The following CUX1 variants were observed in gnomAD, a reference collection of about 807,000 sequenced individuals.
CUX1 encodes the protein cut like homeobox 1.
A neutral mutation model predicts 158.8 loss-of-function variants in CUX1; 31 were observed. That is an observed-to-expected ratio of 0.20 (90% CI 0.15 to 0.26). The LOEUF is 0.26. Ranked by LOEUF, CUX1 falls within the 10% of genes least tolerant of loss-of-function variation. CUX1 has a pLI of 1.00. For synonymous variants in CUX1, 879 were observed against 862.1 expected, an observed-to-expected ratio of 1.02 and a Z score of -0.34; for missense variants, 1,589 against 2,014.6, an observed-to-expected ratio of 0.79 and a Z score of 4.04.
intron 3 of CUX1, among the ~76,000 whole-genome samples, chr7:102,034,325 A>C (rs1021453837): frequency 1.4e-4 from 21 of 152,138 alleles, no homozygotes; most frequent in Admixed American, 1.0e-3. Context: ...AGGAGGAAAC[A>C]ATTTCAGTAG....
chr7:101,898,283 A>G (rs1489348405), intron 1 of CUX1, among the ~76,000 whole-genome samples: 1 of 152,198 alleles, frequency 6.6e-6, no homozygotes. Flanking sequence ...ACTAATAAAA[A>G]CAAGGAAATT....
chr7:101,928,149 C>A (rs948384983), intron 2 of CUX1, among the ~76,000 whole-genome samples: 4 of 152,110 alleles, frequency 2.6e-5, no homozygotes, highest in Admixed American at 2.6e-4. Flanking sequence ...GAATTTTAGT[C>A]AAAAACATGC....
chr7:101,821,671 CTTTTTTTTTTT>C (rs58793343), intron 1 of CUX1, among the ~76,000 whole-genome samples: 19 of 51,316 alleles, frequency 3.7e-4, no homozygotes, highest in South Asian at 1.1e-3. Context: ...TTTCTTTTTT[CTTTTTTTTTTT>C]TTTTTTTTTT....
At chr7:102,208,437 C>T (rs1291585774) in intron 20 of CUX1, among the ~76,000 whole-genome samples, 3 of 152,212 alleles carry the variant, frequency 2.0e-5, no homozygotes, top group South Asian at 4.1e-4. Flanking sequence ...GACGGGGTTT[C>T]GCCCTGTTGG....
intron 8 of CUX1, among the ~76,000 whole-genome samples, chr7:102,117,397 CAAAAAAAAAAAAA>C (rs10633602): frequency 2.1e-5 from 1 of 46,670 alleles, no homozygotes; most frequent in Non-Finnish European, 3.6e-5. Context: ...GACTCCATCG[CAAAAAAAAAAAAA>C]AAAAAAAAAG....
At chr7:102,140,860 G>A (rs1285135896) in intron 8 of CUX1, among the ~76,000 whole-genome samples, 6 of 144,770 alleles carry the variant, frequency 4.1e-5, no homozygotes, top group Non-Finnish European at 6.0e-5. Flanking sequence ...GCGAGACTTC[G>A]TCTCAAAAAA....
At chr7:101,936,267 A>C (rs1806920557) in intron 2 of CUX1, among the ~76,000 whole-genome samples, 1 of 152,058 alleles carries the variant, frequency 6.6e-6, no homozygotes, top group Non-Finnish European at 1.5e-5. Context: ...GGGCGGGTAC[A>C]TCTGTAGATG....
At chr7:102,247,477 T>C (rs1800936656) in intron 23 of CUX1, among the ~76,000 whole-genome samples, 1 of 152,190 alleles carries the variant, frequency 6.6e-6, no homozygotes, top group South Asian at 2.1e-4. Context: ...GGACCTTGCC[T>C]TTCTCAGTCT....
chr7:101,952,367 C>T (rs1228149105), intron 2 of CUX1, among the ~76,000 whole-genome samples: 10 of 152,128 alleles, frequency 6.6e-5, no homozygotes, highest in Non-Finnish European at 8.8e-5. Context: ...GGTGACAGAG[C>T]GAGACCCTGT....
chr7:102,172,930 A>G (rs1009133652), intron 10 of CUX1, among the ~76,000 whole-genome samples: 2 of 152,078 alleles, frequency 1.3e-5, no homozygotes, highest in Admixed American at 6.6e-5. Context: ...GCATGGTGGT[A>G]TGTGCCTGTA....
At chr7:101,887,845 T>A (rs1440243774) in intron 1 of CUX1, among the ~76,000 whole-genome samples, 1 of 45,494 alleles carries the variant, frequency 2.2e-5, no homozygotes, top group African/African-American at 1.6e-4. Flanking sequence ...ACGGTGACAT[T>A]TTTTTTTTTT....
chr7:101,836,857 G>C (rs1446184856), intron 1 of CUX1, among the ~76,000 whole-genome samples: 1 of 152,162 alleles, frequency 6.6e-6, no homozygotes, highest in African/African-American at 2.4e-5. Flanking sequence ...GGGTGCGGTG[G>C]GGGGCAGGGG....
Position 102,090,968 on chromosome 7 carries a change from A to G in CUX1, c.269-6396A>G, listed in dbSNP as rs371898847. On this transcript the variant is annotated intron_variant, in intron 4 of 23. Transcript: ENST00000292535. ...TTGTCCAAGATTGCACAACCAATAA[A>G]TGAGAGAGCTGAGACTTGAACACAT... 1.2e-3 allele frequency among the ~76,000 whole-genome samples: 185 copies of G among 152,342 alleles called. 1 individual carries two copies. Among genetic ancestry groups the G allele is most frequent in the African/African-American group, 4.3e-3 (177 of 41,584 alleles).
intron 20 of CUX1, among the ~76,000 whole-genome samples, chr7:102,222,943 C>A (rs1345919734): frequency 1.3e-5 from 2 of 150,088 alleles, no homozygotes; most frequent in African/African-American, 4.9e-5. Flanking sequence ...TCTCAGCTTC[C>A]CGAGTAGCTG....
chr7:102,219,709 G>A (rs540408953), intron 20 of CUX1, among the ~76,000 whole-genome samples: 2 of 152,212 alleles, frequency 1.3e-5, no homozygotes, highest in African/African-American at 2.4e-5. Context: ...ACGTCCAGTG[G>A]CCCAGGAAGG....
chr7:102,100,622 C>T (rs546663469), intron 5 of CUX1, among the ~76,000 whole-genome samples: 13 of 152,226 alleles, frequency 8.5e-5, no homozygotes, highest in African/African-American at 1.4e-4. Flanking sequence ...GGAAGGTGGG[C>T]GGTGCACATC....
At chr7:102,103,284 C>A (rs1420880147) in intron 5 of CUX1, among the ~76,000 whole-genome samples, 1 of 152,206 alleles carries the variant, frequency 6.6e-6, no homozygotes, top group Non-Finnish European at 1.5e-5. Flanking sequence ...TTCCAGCCCA[C>A]TCCCTCCATG....
At chr7:102,244,447 C>T (rs1457459411) in intron 23 of CUX1, among the ~76,000 whole-genome samples, 2 of 152,192 alleles carry the variant, frequency 1.3e-5, no homozygotes, top group African/African-American at 4.8e-5. Context: ...CCTGTAATCC[C>T]AGCATTTGGG....
At chr7:101,832,602 TG>T (rs1208925744) in intron 1 of CUX1, among the ~76,000 whole-genome samples, 3 of 152,212 alleles carry the variant, frequency 2.0e-5, no homozygotes, top group Non-Finnish European at 4.4e-5. Context: ...CATCCCTATT[TG>T]CTTTCTGTCT....
Sources: allele counts gnomAD v4.1 joint callset (sites outside exome capture counted in the v4.1 genomes callset), GRCh38; gene constraint gnomAD v4.1.1; transcripts MANE v1.5; gene names NCBI Gene and HGNC (gene_info 2026-07-23, HGNC 2026-07-21).